PGBD5: variants seen among roughly 807,000 people sequenced by gnomAD.
PGBD5 encodes the protein piggyBac transposable element-derived protein 5.
A neutral mutation model predicts 47.9 loss-of-function variants in PGBD5; 14 were observed. The ratio of observed to expected loss-of-function variants is 0.29; its 90% CI spans 0.19 to 0.46. PGBD5 has a LOEUF of 0.46. Ranked by LOEUF, PGBD5 falls within the 20% of genes least tolerant of loss-of-function variation. PGBD5 has a pLI of 1.00. For missense variants in PGBD5, 635 were observed against 716.0 expected (o/e 0.89, Z 1.29); for synonymous variants, 316 against 306.3 (o/e 1.03, Z -0.33).
chr1:230,356,540 A>G (rs1333683198), intron 2 of PGBD5, among the ~76,000 whole-genome samples: 1 of 152,202 alleles, frequency 6.6e-6, no homozygotes, highest in East Asian at 1.9e-4. Context: ...CCAACAGGTG[A>G]GGCCACACTC....
At position 230,426,048 on chromosome 1, in the gene PGBD5, C is replaced by A. The variant is rs1657777230; in HGVS notation, c.-120G>T. 7.6e-6 allele frequency: 3 copies of A among 393,458 alleles called. No individual in the cohort carries two copies. The highest frequency in any genetic ancestry group is 9.7e-5 in the South Asian group (1 of 10,290). 24.4% of individuals were successfully genotyped at this position (393,458 alleles called of 1,614,324 possible). A position where few individuals can be genotyped will look rare whatever the true frequency, so the allele number is the denominator to read the frequency against. On this transcript the variant is annotated 5_prime_UTR_variant, in exon 1 of 7. Coordinates refer to ENST00000391860, the MANE Select transcript of PGBD5 (RefSeq NM_001258311.2). Reference sequence around the variant, plus strand: ...AGCGCAGCCCGCAGCACAGCGCCCGCCGCCCCGTGCCCGGCCGGCCCGCCG... The same window carrying A: ...AGCGCAGCCCGCAGCACAGCGCCCGACGCCCCGTGCCCGGCCGGCCCGCCG...
At chr1:230,373,045 A>G (rs545887570) in intron 1 of PGBD5, among the ~76,000 whole-genome samples, 1 of 152,348 alleles carries the variant, frequency 6.6e-6, no homozygotes, top group South Asian at 2.1e-4. Flanking sequence ...GGCTTCATGA[A>G]TATCAAAGGC....
At position 230,379,924 on chromosome 1, in the gene PGBD5, G is replaced by A. The variant is rs556895114; in HGVS notation, c.332-22603C>T. Among the ~76,000 whole-genome samples the A allele has an allele frequency of 2.6e-5, 4 of 152,328 alleles. No homozygotes were observed. In the South Asian group the frequency reaches 8.3e-4, roughly 32 times the overall value. On this transcript the variant is annotated intron_variant, in intron 1 of 6. Transcript: ENST00000391860. ...AGATTCAGGGACTTGCCCAAGTGGC[G>A]GGATTTGAACCCAGGAAGTCTGGCT...
rs374654329 is a variant in PGBD5, at chr1:230,350,735, C to T, written c.894+223G>A. Among the ~76,000 whole-genome samples the T allele has an allele frequency of 2.8e-4, 43 of 152,250 alleles. No individual in the cohort carries two copies. In the East Asian group the frequency reaches 4.4e-3, roughly 16 times the overall value. On this transcript the variant is annotated intron_variant, in intron 3 of 6. Coordinates refer to ENST00000391860, the MANE Select transcript of PGBD5 (RefSeq NM_001258311.2). ...GTCTGGAGGAAGAATGTGCAGGGAA[C>T]GGGGCCAGGGGTGGCAGCAGCCTCT...
Position 230,325,318 on chromosome 1 carries a change from T to C in PGBD5, c.1371A>G (p.Lys457=), listed in dbSNP as rs763230546. 2 of 1,612,540 alleles carry C rather than the reference T, an allele frequency of 1.2e-6. No homozygotes were observed. The highest frequency in any genetic ancestry group is 2.2e-5 in the East Asian group (1 of 44,742). Residue 457 remains lysine, a synonymous_variant, in exon 6 of 7, where the codon AAA becomes AAG. Transcript: ENST00000391860. ...HLSYICRYDD[K]YSKYFISHKP... is the part of the protein sequence containing the mutation. ...GGTGCCCAGCCACTTACTTGCTGTA[T>C]TTGTCATCGTATCTGCAGATGTAGC...
intron 1 of PGBD5, among the ~76,000 whole-genome samples, chr1:230,359,460 A>G (rs1667709738): frequency 1.3e-5 from 2 of 152,210 alleles, no homozygotes; most frequent in South Asian, 4.1e-4. Context: ...CAGTTTCTGA[A>G]AAACAAGTTT....
rs1667064555 is a variant in PGBD5, at chr1:230,323,248, T to C, written c.*177A>G. On this transcript the variant is annotated 3_prime_UTR_variant, in exon 7 of 7. Coordinates refer to ENST00000391860, the MANE Select transcript of PGBD5 (RefSeq NM_001258311.2). This position sits in a 1 kb window ranked among gnomAD's most constrained non-coding sequence, Gnocchi z 4.1. ...GGACATGCTCTTCTTGGAATGCAAA[T>C]GAGGACAGCAACCGTCCTCTGACCA... 4.6e-6 allele frequency: 3 copies of C among 652,886 alleles called. No homozygotes were observed. Among genetic ancestry groups the C allele is most frequent in the Non-Finnish European group, 5.1e-6 (2 of 393,284 alleles). The allele number at this position is 652,886 out of a possible 1,614,324, so 40.4% of individuals were successfully genotyped here. A position where few individuals can be genotyped will look rare whatever the true frequency, so the allele number is the denominator to read the frequency against.
intron 3 of PGBD5, among the ~76,000 whole-genome samples, chr1:230,343,219 C>T (rs1667433084): frequency 6.6e-6 from 1 of 152,204 alleles, no homozygotes; most frequent in African/African-American, 2.4e-5. Flanking sequence ...CCTGTGGGAG[C>T]CTTGCCTTCA....
At chr1:230,374,600 T>C (rs1384426330) in intron 1 of PGBD5, among the ~76,000 whole-genome samples, 1 of 152,220 alleles carries the variant, frequency 6.6e-6, no homozygotes, top group Non-Finnish European at 1.5e-5. Context: ...GTTTGTTCTT[T>C]ATGCTTTTCT....
intron 1 of PGBD5, among the ~76,000 whole-genome samples, chr1:230,379,069 C>G (rs1283637229): frequency 6.6e-6 from 1 of 152,192 alleles, no homozygotes; most frequent in African/African-American, 2.4e-5. Flanking sequence ...CACAACCAAC[C>G]ATGGCCTCAC....
intron 4 of PGBD5, chr1:230,336,219 C>T (rs1571828422): frequency 6.6e-6 from 1 of 152,332 alleles, no homozygotes; most frequent in African/African-American, 2.4e-5. Context: ...TCTCTCTACC[C>T]TTGATTCTTC....
chr1:230,352,498 G>C (rs1667574329), intron 2 of PGBD5, among the ~76,000 whole-genome samples: 1 of 152,134 alleles, frequency 6.6e-6, no homozygotes. Context: ...AAGGTGGGCT[G>C]AGGTTGAATG....
intron 1 of PGBD5, among the ~76,000 whole-genome samples, chr1:230,401,535 A>G (rs546173559): frequency 1.3e-5 from 2 of 152,332 alleles, no homozygotes; most frequent in East Asian, 1.9e-4. Flanking sequence ...CTATGCCAAG[A>G]TCAAAAGGCG....
At chr1:230,383,537 A>T (rs1055977759) in intron 1 of PGBD5, among the ~76,000 whole-genome samples, 3 of 151,908 alleles carry the variant, frequency 2.0e-5, no homozygotes, top group South Asian at 2.1e-4. Context: ...TTATTTTAAA[A>T]TTTTTTGTAT....
chr1:230,335,834 CAT>C (rs1273292516), intron 4 of PGBD5, among the ~76,000 whole-genome samples: 2 of 138,492 alleles, frequency 1.4e-5, no homozygotes, highest in African/African-American at 5.7e-5. Flanking sequence ...CAGACATACA[CAT>C]ACACACACAG....
chr1:230,401,704 C>T (rs970045322), intron 1 of PGBD5, among the ~76,000 whole-genome samples: 2 of 152,240 alleles, frequency 1.3e-5, no homozygotes, highest in African/African-American at 4.8e-5. Context: ...TTCCCCGCAT[C>T]AGAGCCCTCA....
intron 1 of PGBD5, among the ~76,000 whole-genome samples, chr1:230,371,914 C>T (rs828450): frequency 0.71 from 108,689 of 152,070 alleles, 39,265 homozygotes; most frequent in Non-Finnish European, 0.74. Flanking sequence ...GCTAATAAAA[C>T]CTGTGGGCAA....
intron 1 of PGBD5, among the ~76,000 whole-genome samples, chr1:230,374,510 A>C (rs1321443951): frequency 6.6e-6 from 1 of 152,228 alleles, no homozygotes; most frequent in African/African-American, 2.4e-5. Context: ...TTTGTCTTGC[A>C]AATCAGAATG....
chr1:230,415,560 G>A (rs2102752622), intron 1 of PGBD5, among the ~76,000 whole-genome samples: 1 of 152,284 alleles, frequency 6.6e-6, no homozygotes, highest in South Asian at 2.1e-4. Context: ...TCTGCTGCCT[G>A]GCAGAGATGA....
Sources: allele counts gnomAD v4.1 joint callset (sites outside exome capture counted in the v4.1 genomes callset), GRCh38; gene constraint gnomAD v4.1.1; non-coding constraint Gnocchi (gnomAD v3.1); transcripts MANE v1.5; gene names NCBI Gene and HGNC (gene_info 2026-07-23, HGNC 2026-07-21).